Variants in FNDC3A observed in about 807,000 individuals in gnomAD.
The protein encoded by FNDC3A is fibronectin type III domain containing 3A.
Under a neutral mutation model 148.9 loss-of-function variants are expected in FNDC3A, and 32 were observed. The ratio of observed to expected loss-of-function variants is 0.21; its 90% CI spans 0.16 to 0.29. The LOEUF (loss-of-function observed/expected upper bound fraction) is 0.29, where lower values mean the gene tolerates loss of function less well. FNDC3A is among the 10% of genes least tolerant of loss of function. The pLI is 1.00. For synonymous variants in FNDC3A, 472 were observed against 473.6 expected, an observed-to-expected ratio of 1.00 and a Z score of 0.04; for missense variants, 1,191 against 1,452.8, an observed-to-expected ratio of 0.82 and a Z score of 2.93.
intron 1 of FNDC3A, among the ~76,000 whole-genome samples, chr13:48,983,274 T>C (rs1479151143): frequency 6.6e-6 from 1 of 152,210 alleles, no homozygotes; most frequent in East Asian, 1.9e-4. Context: ...AATGTTTCCA[T>C]AATACCCACA....
At position 49,201,957 on chromosome 13, in the gene FNDC3A, G is replaced by A. The variant is rs749538145; in HGVS notation, c.3145G>A (p.Ala1049Thr). ...IFTTPKSVPA[A>T]LKAPKIEKVN... is the part of the protein sequence containing the mutation. ...CACTACTCCAAAATCTGTCCCAGCT[G>A]CCTTGAAAGGTAAGTTATACATCCT... The change falls in exon 24 of 26, where the codon GCC becomes ACC. Residue 1049 changes from alanine (A) to threonine (T), a missense_variant. By Grantham distance (58) the Ala-to-Thr change is moderately conservative (BLOSUM62 0). Around this residue, in one of 3 missense-constraint regions of FNDC3A, gnomAD observed 751 missense variants for 944.0 expected, o/e 0.80. Coordinates refer to ENST00000492622, the MANE Select transcript of FNDC3A (RefSeq NM_001079673.2). The A allele has an allele frequency of 3.9e-6, 6 of 1,551,466 alleles. No homozygotes were observed. The Admixed American group carries it at 1.0e-4, about 27-fold the overall frequency.
At chr13:49,046,292 C>G (rs1875401983) in intron 2 of FNDC3A, 1 of 162,130 alleles carries the variant, frequency 6.2e-6, no homozygotes, top group Admixed American at 6.5e-5. Flanking sequence ...AGATCTAAGA[C>G]TGTTAGGGAA....
chr13:49,032,698 T>G (rs111457736), intron 2 of FNDC3A, among the ~76,000 whole-genome samples: 12 of 151,828 alleles, frequency 7.9e-5, no homozygotes, highest in Admixed American at 3.3e-4. Context: ...ACCGCGCCAC[T>G]GCACTCCAGC....
intron 2 of FNDC3A, among the ~76,000 whole-genome samples, chr13:49,031,046 A>G (rs1384833110): frequency 3.3e-5 from 5 of 152,218 alleles, no homozygotes; most frequent in Non-Finnish European, 7.3e-5. Flanking sequence ...AGCCAAAATA[A>G]TTTTGAAAAA....
At chr13:49,159,987 A>G (rs1179505455) in intron 8 of FNDC3A, among the ~76,000 whole-genome samples, 1 of 152,222 alleles carries the variant, frequency 6.6e-6, no homozygotes, top group Non-Finnish European at 1.5e-5. Flanking sequence ...CATGGTGGAT[A>G]AGCTTTTTGA....
At chr13:49,148,947 GT>G (rs1883139560) in intron 8 of FNDC3A, among the ~76,000 whole-genome samples, 1 of 151,878 alleles carries the variant, frequency 6.6e-6, no homozygotes, top group Non-Finnish European at 1.5e-5. Context: ...TTCTTAGGGT[GT>G]TTTTTCTTTT....
chr13:48,990,540 C>T (rs1440901920), intron 1 of FNDC3A, among the ~76,000 whole-genome samples: 3 of 135,436 alleles, frequency 2.2e-5, no homozygotes, highest in Non-Finnish European at 3.0e-5. Flanking sequence ...TTGCTTCAGC[C>T]CAGGAGTTTG....
At chr13:49,087,044 T>C (rs999715294) in intron 3 of FNDC3A, among the ~76,000 whole-genome samples, 2 of 152,126 alleles carry the variant, frequency 1.3e-5, no homozygotes, top group African/African-American at 4.8e-5. Context: ...ATAAGACTTA[T>C]TTAAGAGAAA....
At chr13:49,045,786 AG>A in intron 2 of FNDC3A, 1 of 383,372 alleles carries the variant, frequency 2.6e-6, no homozygotes, top group Non-Finnish European at 4.5e-6. Flanking sequence ...TTTTAATGAC[AG>A]TCCTTTTTTT....
In FNDC3A at chr13:49,136,540, A is replaced by T. The variant is rs1882373698; in HGVS notation, c.699A>T (p.Gly233=). Residue 233 remains glycine, a synonymous_variant, in exon 6 of 26, where the codon GGA becomes GGT. Transcript: ENST00000492622. ...AAATTGCTGGTGGTATAAACACAGG[A>T]TCAGCAAAAATCAAGTCTGGGAAGG... ...KGQIAGGINT[G]SAKIKSGKGK... 3.1e-6 allele frequency: 5 copies of T among 1,614,154 alleles called. No homozygotes were observed. Among genetic ancestry groups the T allele is most frequent in the Admixed American group, 3.3e-5 (2 of 60,022 alleles).
chr13:49,032,782 G>A (rs1874219112), intron 2 of FNDC3A, among the ~76,000 whole-genome samples: 1 of 151,848 alleles, frequency 6.6e-6, no homozygotes, highest in Non-Finnish European at 1.5e-5. Flanking sequence ...TGATAAGAAT[G>A]TTCTAAAATT....
chr13:49,095,906 G>A (rs1037244773), intron 3 of FNDC3A, among the ~76,000 whole-genome samples: 1 of 151,966 alleles, frequency 6.6e-6, no homozygotes, highest in African/African-American at 2.4e-5. Context: ...TGCAGAAAAT[G>A]TTCTAGGAAA....
At chr13:49,047,568 T>C (rs1405373006) in intron 2 of FNDC3A, among the ~76,000 whole-genome samples, 1 of 152,238 alleles carries the variant, frequency 6.6e-6, no homozygotes, top group Non-Finnish European at 1.5e-5. Flanking sequence ...CATTTTTCCA[T>C]AGGCTTTTTG....
At chr13:49,169,512 G>A (rs1259833449) in intron 10 of FNDC3A, among the ~76,000 whole-genome samples, 2 of 152,130 alleles carry the variant, frequency 1.3e-5, no homozygotes, top group African/African-American at 4.8e-5. Context: ...AGGGCTATTA[G>A]CGCCCTTGAT....
intron 2 of FNDC3A, among the ~76,000 whole-genome samples, chr13:49,052,598 T>C (rs774246946): frequency 3.9e-4 from 60 of 152,184 alleles, no homozygotes; most frequent in Non-Finnish European, 7.8e-4. Context: ...AAGTGGACTC[T>C]GTGAAGGTCT....
chr13:49,124,373 G>A (rs931603144), intron 4 of FNDC3A, among the ~76,000 whole-genome samples: 1 of 151,892 alleles, frequency 6.6e-6, no homozygotes, highest in South Asian at 2.1e-4. Flanking sequence ...GATAGCATTA[G>A]GAGAAATACC....
rs1258750986 is a variant in FNDC3A at position 49,208,081 on chromosome 13, T to TA, written c.*687dup. 1.3e-5 allele frequency: 2 copies of TA among 152,368 alleles called. No individual in the cohort carries two copies. The highest frequency in any genetic ancestry group is 4.8e-5 in the African/African-American group (2 of 41,476). The allele number at this position is 152,368 out of a possible 1,614,324, so 9.4% of individuals were successfully genotyped here. A position where few individuals can be genotyped will look rare whatever the true frequency, so the allele number is the denominator to read the frequency against. The stretch of plus-strand genomic sequence containing the variant: ...AATATTTTGATGTTTACTCAAAAAG[T>TA]ACCTCTTCAGGTCTTGAGAACATGG... On this transcript the variant is annotated 3_prime_UTR_variant, in exon 26 of 26. Coordinates refer to ENST00000492622, the MANE Select transcript of FNDC3A (RefSeq NM_001079673.2).
At chr13:49,039,791 T>G (rs1438976938) in intron 2 of FNDC3A, among the ~76,000 whole-genome samples, 1 of 152,218 alleles carries the variant, frequency 6.6e-6, no homozygotes, top group Non-Finnish European at 1.5e-5. Context: ...CTCGGCTCAC[T>G]GCAACCTTCG....
chr13:49,046,620 T>G (rs2137700645), intron 2 of FNDC3A: 1 of 161,860 alleles, frequency 6.2e-6, no homozygotes, highest in South Asian at 1.8e-4. Context: ...CTTTTAAATT[T>G]TTTAGAGCTT....
Sources: allele counts gnomAD v4.1 joint callset (sites outside exome capture counted in the v4.1 genomes callset), GRCh38; gene constraint gnomAD v4.1.1; regional missense constraint gnomAD v4.1.1; transcripts MANE v1.5; gene names NCBI Gene and HGNC (gene_info 2026-07-23, HGNC 2026-07-21).